Variants in GIT2 observed in about 807,000 individuals in gnomAD.
GIT2 encodes GIT ArfGAP 2, also known as ARF GTPase-activating protein GIT2.
GIT2 carries 32 observed loss-of-function variants against 100.3 expected under a neutral mutation model. The ratio of observed to expected loss-of-function variants is 0.32; its 90% confidence interval spans 0.24 to 0.43. GIT2 has a LOEUF of 0.43. GIT2 is among the 20% of genes least tolerant of loss of function. GIT2 has a pLI of 1.00. For missense variants in GIT2, 737 were observed against 975.1 expected (o/e 0.76, Z 3.25); for synonymous variants, 353 against 364.1 (o/e 0.97, Z 0.35).
rs780137647 is a variant in GIT2, at chr12:109,933,157, G to C, written c.2101C>G (p.Arg701Gly). The C allele has an allele frequency of 5.7e-6, 9 of 1,579,538 alleles. No individual in the cohort carries two copies. The East Asian group carries it at 2.1e-4, about 37-fold the overall frequency. The change falls in exon 20 of 20, where the codon CGT (arginine) becomes GGT (glycine). Residue 701 changes from arginine to glycine, a missense_variant. Around this residue, in one of 3 missense-constraint regions of GIT2, gnomAD observed 451 missense variants for 543.7 expected, o/e 0.83. Transcript: ENST00000355312. The surrounding 1 kb of genome is among the most constrained non-coding windows in gnomAD (Gnocchi z 4.5). Reference sequence around the variant, plus strand: ...CGGTAGGCACTGGACGTCAGTAAACGAAGGGAAGTCCTCACCATATCAGAC... The same window carrying C: ...CGGTAGGCACTGGACGTCAGTAAACCAAGGGAAGTCCTCACCATATCAGAC... Reference protein sequence around the residue: ...PKSDMVRTSLRLLTSSAYRLQ... With the variant: ...PKSDMVRTSLGLLTSSAYRLQ...
chr12:109,950,966 T>G (rs1189194304), intron 14 of GIT2: 3 of 607,578 alleles, frequency 4.9e-6, no homozygotes, highest in Non-Finnish European at 8.8e-6. Flanking sequence ...AGGTTTCTCC[T>G]ACCTGGGGAA....
At chr12:109,971,523 C>A (rs1883865561) in intron 7 of GIT2, among the ~76,000 whole-genome samples, 1 of 151,564 alleles carries the variant, frequency 6.6e-6, no homozygotes, top group African/African-American at 2.4e-5. Context: ...ACAGGGCTTC[C>A]CCATGTTAAC....
At chr12:109,941,798 G>C (rs1023494656) in intron 16 of GIT2, among the ~76,000 whole-genome samples, 2 of 151,602 alleles carry the variant, frequency 1.3e-5, no homozygotes, top group Non-Finnish European at 2.9e-5. Flanking sequence ...TGAGATTATA[G>C]GTGTGAGCCA....
chr12:109,939,475 A>C, intron 16 of GIT2: 3 of 395,872 alleles, frequency 7.6e-6, no homozygotes, highest in Non-Finnish European at 1.4e-5. Flanking sequence ...CCACTTCCTA[A>C]TCAGATCCTT....
intron 9 of GIT2, among the ~76,000 whole-genome samples, chr12:109,963,237 T>G (rs1196681567): frequency 6.6e-6 from 1 of 152,232 alleles, no homozygotes; most frequent in African/African-American, 2.4e-5. Context: ...CTTTCTCTAT[T>G]TTCCAAATCT....
At chr12:109,985,454 G>A (rs930735025) in intron 4 of GIT2, among the ~76,000 whole-genome samples, 1 of 152,170 alleles carries the variant, frequency 6.6e-6, no homozygotes, top group Non-Finnish European at 1.5e-5. Context: ...GGTGGCTCAC[G>A]CCTGTAATCC....
chr12:109,999,897 T>C, upstream of GIT2: 1 of 977,440 alleles, frequency 1.0e-6, no homozygotes, highest in East Asian at 3.1e-5. This position sits in a 1 kb window ranked among gnomAD's most constrained non-coding sequence, Gnocchi z 4.3. Flanking sequence ...CCAGACCCCT[T>C]CCACTTTGCA....
intron 1 of GIT2, among the ~76,000 whole-genome samples, chr12:109,992,664 G>C (rs1888639877): frequency 6.6e-6 from 1 of 151,908 alleles, no homozygotes; most frequent in African/African-American, 2.4e-5. Context: ...TCCATGAATT[G>C]GTTTGTTTGT....
chr12:109,955,664 T>C lies in GIT2; in HGVS notation c.1100-2430A>G, dbSNP rs148309591. On this transcript the variant is annotated intron_variant, in intron 12 of 19. Transcript: ENST00000355312. ...CTCCGTAGGGCACATCACAGCCTTC[T>C]TGCACTTAGAAACACTAGACAGCAC... is the stretch of plus-strand genomic sequence containing the variant. Among the ~76,000 whole-genome samples, 224 of 152,320 alleles carry C rather than the reference T, an allele frequency of 1.5e-3. 1 individual carries two copies. The highest frequency in any genetic ancestry group is 2.8e-3 in the Non-Finnish European group (190 of 68,028).
intron 13 of GIT2, among the ~76,000 whole-genome samples, chr12:109,951,812 G>A (rs1375395626): frequency 6.6e-6 from 1 of 152,194 alleles, no homozygotes; most frequent in Non-Finnish European, 1.5e-5. Flanking sequence ...AGATAAGACA[G>A]AGCAGGGTAG....
At chr12:109,971,370 G>A (rs749878040) in intron 7 of GIT2, among the ~76,000 whole-genome samples, 1 of 151,836 alleles carries the variant, frequency 6.6e-6, no homozygotes, top group African/African-American at 2.4e-5. Flanking sequence ...TGTCGCTCAG[G>A]CTGGAGTGCA....
intron 14 of GIT2, chr12:109,949,032 C>G: frequency 1.7e-6 from 1 of 582,034 alleles, no homozygotes; most frequent in Non-Finnish European, 3.0e-6. Flanking sequence ...ACAAAAAGAC[C>G]ACTCATTCTG....
At chr12:109,951,610 CTT>C (rs989687147) in intron 13 of GIT2, among the ~76,000 whole-genome samples, 24 of 152,208 alleles carry the variant, frequency 1.6e-4, no homozygotes, top group Admixed American at 5.2e-4. Flanking sequence ...CTCGTTCACT[CTT>C]GTTTTGTTTT....
At chr12:109,936,097 G>C (rs537044527) in intron 18 of GIT2, among the ~76,000 whole-genome samples, 102 of 152,240 alleles carry the variant, frequency 6.7e-4, no homozygotes, top group Non-Finnish European at 1.3e-3. Flanking sequence ...AGAGAAAAAG[G>C]CATGGGTTTA....
In GIT2 at chr12:109,930,509, C is replaced by T. The variant is rs1164031319; in HGVS notation, c.*2469G>A. 1 of 152,290 alleles carries T rather than the reference C, an allele frequency of 6.6e-6. No homozygotes were observed. Among genetic ancestry groups the T allele is most frequent in the Non-Finnish European group, 1.5e-5 (1 of 68,086 alleles). 9.4% of individuals were successfully genotyped at this position (152,290 alleles called of 1,614,324 possible). On this transcript the variant is annotated 3_prime_UTR_variant, in exon 20 of 20. Coordinates refer to ENST00000355312, the MANE Select transcript of GIT2 (RefSeq NM_057169.5). ...CCAACAGGAGCAGAGAACTCTGACA[C>T]CAGATCTCAGATGAGGCCAAGGAAA...
At chr12:109,997,684 G>A (rs1015971587), upstream of GIT2, 1 of 152,176 alleles carries the variant, frequency 6.6e-6, no homozygotes, top group African/African-American at 2.4e-5. Flanking sequence ...TAAATTATGG[G>A]AAAAATGTGA....
chr12:109,980,795 G>A (rs1886168918), intron 7 of GIT2, 157 bp downstream of exon 7: 3 of 630,400 alleles, frequency 4.8e-6, no homozygotes, highest in African/African-American at 3.6e-5. Context: ...ACATGTAACT[G>A]ACAATTCTGT....
chr12:109,945,010 A>T (rs1462089471), intron 16 of GIT2, among the ~76,000 whole-genome samples: 1 of 152,182 alleles, frequency 6.6e-6, no homozygotes, highest in Non-Finnish European at 1.5e-5. Context: ...CTGTAGGGTG[A>T]TTTGCAAACT....
intron 7 of GIT2, among the ~76,000 whole-genome samples, chr12:109,971,116 T>C (rs1157754899): frequency 2.0e-5 from 3 of 152,206 alleles, no homozygotes; most frequent in Non-Finnish European, 2.9e-5. Context: ...AGCATGTCTA[T>C]GTCTAATAAA....
Sources: gnomAD v4.1 joint callset for allele counts (sites outside exome capture counted in the v4.1 genomes callset) on GRCh38, gnomAD v4.1.1 for gene constraint, gnomAD v4.1.1 regional missense constraint, Gnocchi (gnomAD v3.1) non-coding constraint, MANE v1.5 for transcripts, NCBI Gene and HGNC (gene_info 2026-07-23, HGNC 2026-07-21) for gene names.